Variants in ADGRL2 observed in about 807,000 individuals in gnomAD.
ADGRL2 encodes the protein adhesion G protein-coupled receptor L2.
Under a neutral mutation model 157.4 loss-of-function variants are expected in ADGRL2, and 44 were observed. The ratio of observed to expected loss-of-function variants is 0.28; its 90% CI spans 0.22 to 0.36. The LOEUF (loss-of-function observed/expected upper bound fraction) is 0.36. ADGRL2 is among the 10% of genes least tolerant of loss of function. The pLI is 1.00. For synonymous variants in ADGRL2, 585 were observed against 624.7 expected (o/e 0.94, Z 0.95); for missense variants, 1,510 against 1,768.9 (o/e 0.85, Z 2.63).
At chr1:81,835,327 A>T (rs2092214134) in intron 1 of ADGRL2, among the ~76,000 whole-genome samples, 1 of 152,146 alleles carries the variant, frequency 6.6e-6, no homozygotes, top group Non-Finnish European at 1.5e-5. Flanking sequence ...CAGATCATCG[A>T]ACAGACTGTA....
In ADGRL2 at chr1:81,510,043, C is replaced by T. The variant is rs537848264; in HGVS notation, c.-248+64954C>T. 3.3e-5 allele frequency among the ~76,000 whole-genome samples: 5 copies of T among 152,206 alleles called. No homozygotes were observed. The South Asian group carries it at 8.3e-4, about 25-fold the overall frequency. On this transcript the variant is annotated intron_variant, in intron 2 of 24. Coordinates refer to the ADGRL2 transcript ENST00000370721. Reference sequence around the variant, plus strand: ...TAGTTTATGCTCATCCAACAAATACCGCTGTTAGGAAAAAAAGTTTAATGA... The same window carrying T: ...TAGTTTATGCTCATCCAACAAATACTGCTGTTAGGAAAAAAAGTTTAATGA...
chr1:81,376,648 C>T (rs919946826), intron 1 of ADGRL2, among the ~76,000 whole-genome samples: 15 of 151,716 alleles, frequency 9.9e-5, no homozygotes, highest in Non-Finnish European at 1.0e-4. Context: ...TTCACTCTCT[C>T]CCTCCCATAT....
chr1:81,970,309 C>T lies in ADGRL2; in HGVS notation c.2734-5C>T, dbSNP rs371065115. 276 of 1,604,344 alleles carry T rather than the reference C, an allele frequency of 1.7e-4. No individual in the cohort carries two copies. In the African/African-American group the frequency reaches 3.1e-3, roughly 18 times the overall value. On this transcript the variant is annotated splice_region_variant and splice_polypyrimidine_tract_variant and intron_variant, in intron 15 of 23. Coordinates refer to ENST00000686636, the MANE Select transcript of ADGRL2 (RefSeq NM_001366006.2). ...TTTTGTGTTTTTTGTTCTTTTCCCC[C>T]GTAGATTGCATGCCCAATATTTGCA...
chr1:81,640,815 G>A (rs1356456850), intron 3 of ADGRL2, among the ~76,000 whole-genome samples: 1 of 152,038 alleles, frequency 6.6e-6, no homozygotes, highest in Non-Finnish European at 1.5e-5. Context: ...AGGAACTAGA[G>A]AGCACAGCCG....
chr1:81,573,087 TA>T (rs1458090301), intron 2 of ADGRL2, among the ~76,000 whole-genome samples: 2 of 151,924 alleles, frequency 1.3e-5, no homozygotes, highest in African/African-American at 4.8e-5. Flanking sequence ...TGCAAGAGAG[TA>T]TTTTTGCAAA....
chr1:81,420,001 G>A (rs1227623589), intron 1 of ADGRL2, among the ~76,000 whole-genome samples: 2 of 152,168 alleles, frequency 1.3e-5, no homozygotes, highest in African/African-American at 4.8e-5. Context: ...GCTTGTAATT[G>A]TAATGAAAGT....
chr1:81,420,800 T>C (rs1418755779), intron 1 of ADGRL2, among the ~76,000 whole-genome samples: 1 of 152,168 alleles, frequency 6.6e-6, no homozygotes, highest in Non-Finnish European at 1.5e-5. Flanking sequence ...AGTTCAATAT[T>C]ATTCCCTCCC....
chr1:81,652,357 C>A (rs2082439234), intron 3 of ADGRL2, among the ~76,000 whole-genome samples: 1 of 152,086 alleles, frequency 6.6e-6, no homozygotes, highest in Non-Finnish European at 1.5e-5. Context: ...AGACCTAGAA[C>A]TTTCATTCCA....
intron 1 of ADGRL2, among the ~76,000 whole-genome samples, chr1:81,403,261 G>GTTTGT (rs2076792182): frequency 8.0e-6 from 1 of 125,262 alleles, no homozygotes; most frequent in African/African-American, 2.7e-5. Flanking sequence ...TTGTTTGTTT[G>GTTTGT]TTTGTTTTGT....
At chr1:81,438,797 C>T (rs1187468887) in intron 1 of ADGRL2, among the ~76,000 whole-genome samples, 1 of 152,116 alleles carries the variant, frequency 6.6e-6, no homozygotes, top group African/African-American at 2.4e-5. Context: ...CTGCTTAATA[C>T]ACTTCAATAT....
chr1:81,426,999 T>C (rs2077229118), intron 1 of ADGRL2: 3 of 927,824 alleles, frequency 3.2e-6, no homozygotes, highest in South Asian at 2.6e-5. Flanking sequence ...GTTGATAACA[T>C]TGTTATTCAG....
At chr1:81,785,389 T>G (rs1219300587) in intron 2 of ADGRL2, among the ~76,000 whole-genome samples, 1 of 152,126 alleles carries the variant, frequency 6.6e-6, no homozygotes, top group Non-Finnish European at 1.5e-5. Flanking sequence ...AAGCTAATAA[T>G]AAAGAATATT....
At chr1:81,569,144 A>G (rs1343687903) in intron 2 of ADGRL2, among the ~76,000 whole-genome samples, 1 of 152,214 alleles carries the variant, frequency 6.6e-6, no homozygotes, top group Non-Finnish European at 1.5e-5. Context: ...TCTAATAATA[A>G]TTAAAAGTGA....
In ADGRL2 at chr1:81,990,598, C is replaced by T; in HGVS notation, c.3863C>T (p.Thr1288Ile). 1 of 1,614,120 alleles carries T rather than the reference C, an allele frequency of 6.2e-7. No homozygotes were observed. Among genetic ancestry groups the T allele is most frequent in the Non-Finnish European group, 8.5e-7 (1 of 1,180,000 alleles). ...VHNNLRGSSK[T>I]HNLELTLPVK... ...AACAACTTACGGGGCAGCAGCAAGA[C>T]TCACAACCTCGAGCTCACGCTACCA... Residue 1288 changes from threonine to isoleucine, a missense_variant, in exon 24 of 24, where the codon ACT becomes ATT. Thr to Ile is a moderately conservative substitution (Grantham distance 89, BLOSUM62 -1). Around this residue, in one of 4 missense-constraint regions of ADGRL2, gnomAD observed 327 missense variants for 310.1 expected, o/e 1.05. Transcript: ENST00000686636.
intron 1 of ADGRL2, among the ~76,000 whole-genome samples, chr1:81,407,168 G>A (rs2076867835): frequency 6.6e-6 from 1 of 152,122 alleles, no homozygotes; most frequent in African/African-American, 2.4e-5. Flanking sequence ...CCACCCTATT[G>A]TTCATTTGTT....
chr1:81,405,956 T>G (rs543052587), intron 1 of ADGRL2, among the ~76,000 whole-genome samples: 2 of 152,326 alleles, frequency 1.3e-5, no homozygotes, highest in South Asian at 2.1e-4. Context: ...TTATAATTAA[T>G]CTGAGGTTTC....
chr1:81,412,059 C>A (rs1221326969), intron 1 of ADGRL2, among the ~76,000 whole-genome samples: 1 of 151,982 alleles, frequency 6.6e-6, no homozygotes, highest in African/African-American at 2.4e-5. Context: ...ATTATTTCTA[C>A]CAAATATACA....
At position 81,568,833 on chromosome 1, in the gene ADGRL2, A is replaced by G. The variant is rs80148740; in HGVS notation, c.-247-12043A>G. 2.4e-4 allele frequency among the ~76,000 whole-genome samples: 36 copies of G among 152,280 alleles called. No individual in the cohort carries two copies. In the East Asian group the frequency reaches 4.1e-3, roughly 17 times the overall value. On this transcript the variant is annotated intron_variant, in intron 2 of 24. Coordinates refer to the ADGRL2 transcript ENST00000370721. Reference sequence around the variant, plus strand: ...TAAAATTTGTGGCTAGGATTACCCAAGAACATTTTTACCTATGTTCTTGGA... The same window carrying G: ...TAAAATTTGTGGCTAGGATTACCCAGGAACATTTTTACCTATGTTCTTGGA...
At position 81,829,389 on chromosome 1, in the gene ADGRL2, T is replaced by C. The variant is rs11577758; in HGVS notation, c.-100-7496T>C. Among the ~76,000 whole-genome samples, 1,478 of 152,334 alleles carry C rather than the reference T, an allele frequency of 9.7e-3. 10 individuals carry two copies. The highest frequency in any genetic ancestry group is 0.017 in the South Asian group (80 of 4,828). ...ACAACTCAAGAAAATCCTTTTGTTTTGAGTTTTACTTGTAGACACAGATAT... is the reference window on the plus strand; with the variant it reads ...ACAACTCAAGAAAATCCTTTTGTTTCGAGTTTTACTTGTAGACACAGATAT... On this transcript the variant is annotated intron_variant, in intron 1 of 23. Coordinates refer to ENST00000686636, the MANE Select transcript of ADGRL2 (RefSeq NM_001366006.2).
Sources: allele counts gnomAD v4.1 joint callset (sites outside exome capture counted in the v4.1 genomes callset), GRCh38; gene constraint gnomAD v4.1.1; regional missense constraint gnomAD v4.1.1; transcripts MANE v1.5; gene names NCBI Gene and HGNC (gene_info 2026-07-23, HGNC 2026-07-21).